The following GRAMD2B variants were observed in gnomAD, a reference collection of about 807,000 sequenced individuals.
GRAMD2B encodes GRAM domain-containing protein 2B.
GRAMD2B carries 41 observed loss-of-function variants against 59.2 expected under a neutral mutation model. The ratio of observed to expected loss-of-function variants is 0.69; its 90% CI spans 0.54 to 0.90. GRAMD2B has a LOEUF of 0.90. Among genes scored for constraint, GRAMD2B ranks in the 40% least tolerant of loss-of-function variants. The probability of loss-of-function intolerance (pLI) is 0.00; values close to 1 mark genes in which losing one functional copy is unlikely to be tolerated. For synonymous variants in GRAMD2B, 161 were observed against 182.7 expected (o/e 0.88, Z 0.96); for missense variants, 424 against 500.5 (o/e 0.85, Z 1.46).
chr5:126,421,753 C>T (rs1759746427), upstream of GRAMD2B, among the ~76,000 whole-genome samples: 1 of 152,168 alleles, frequency 6.6e-6, no homozygotes, highest in Non-Finnish European at 1.5e-5. Context: ...TTGGAAAGAA[C>T]TTGCACCTCC....
At position 126,493,949 on chromosome 5, in the gene GRAMD2B, G is replaced by A. The variant is rs1161142686; in HGVS notation, c.*993G>A. 6.6e-6 allele frequency: 1 copy of A among 152,562 alleles called. No homozygotes were observed. Among genetic ancestry groups the A allele is most frequent in the Non-Finnish European group, 1.5e-5 (1 of 68,010 alleles). The allele number at this position is 152,562 out of a possible 1,614,324, so 9.5% of individuals were successfully genotyped here. A position where few individuals can be genotyped will look rare whatever the true frequency, so the allele number is the denominator to read the frequency against. On this transcript the variant is annotated 3_prime_UTR_variant, in exon 14 of 14. Transcript: ENST00000285689. The stretch of plus-strand genomic sequence containing the variant: ...GGTTGGCTGGTTTTTATTAATAATT[G>A]TTTAGGGTATCATAAGATCTGTAAG...
At chr5:126,442,062 G>C (rs777845964) in intron 1 of GRAMD2B, among the ~76,000 whole-genome samples, 12 of 151,318 alleles carry the variant, frequency 7.9e-5, no homozygotes, top group Non-Finnish European at 1.6e-4. Flanking sequence ...TCCTAAGAAG[G>C]AATTATTATT....
At chr5:126,382,674 C>A (rs1755760119) in intron 1 of GRAMD2B, among the ~76,000 whole-genome samples, 1 of 152,154 alleles carries the variant, frequency 6.6e-6, no homozygotes, top group Non-Finnish European at 1.5e-5. Context: ...AATCAACCTT[C>A]TGAATTATTT....
chr5:126,492,890 G>A (rs1037547931), intron 13 of GRAMD2B, 25 bp from the exon 14 acceptor site: 7 of 1,484,810 alleles, frequency 4.7e-6, no homozygotes, highest in African/African-American at 1.4e-5. Flanking sequence ...TTTAATAATA[G>A]GAACTTCTTT....
chr5:126,377,256 ACT>A (rs1471688901), intron 1 of GRAMD2B, among the ~76,000 whole-genome samples: 6 of 149,926 alleles, frequency 4.0e-5, no homozygotes, highest in Admixed American at 4.0e-4. Context: ...CCACACCCCC[ACT>A]CTCATCCCTC....
intron 1 of GRAMD2B, among the ~76,000 whole-genome samples, chr5:126,438,679 T>C (rs1015488740): frequency 2.0e-5 from 3 of 152,108 alleles, no homozygotes; most frequent in South Asian, 4.1e-4. Context: ...CAATAAAGAC[T>C]GGTATTTTTT....
chr5:126,484,142 T>A (rs981545887), intron 9 of GRAMD2B, among the ~76,000 whole-genome samples: 1 of 152,332 alleles, frequency 6.6e-6, no homozygotes, highest in Admixed American at 6.5e-5. Flanking sequence ...TCTTCCCTCT[T>A]ATTTCAATAA....
At chr5:126,482,709 A>G (rs1772116048) in intron 8 of GRAMD2B, among the ~76,000 whole-genome samples, 1 of 152,228 alleles carries the variant, frequency 6.6e-6, no homozygotes, top group Admixed American at 6.5e-5. Flanking sequence ...TTCAAGGTGA[A>G]AGGTTGGTAA....
intron 1 of GRAMD2B, among the ~76,000 whole-genome samples, chr5:126,403,943 T>C (rs1164103195): frequency 6.6e-6 from 1 of 151,914 alleles, no homozygotes; most frequent in African/African-American, 2.4e-5. Context: ...AGTATTTAAA[T>C]CTTAATACAG....
At chr5:126,411,841 G>GATGTGTGTGTGT (rs1758819134) in intron 1 of GRAMD2B, among the ~76,000 whole-genome samples, 1 of 148,768 alleles carries the variant, frequency 6.7e-6, no homozygotes, top group Admixed American at 6.7e-5. Context: ...ATATATTTCT[G>GATGTGTGTGTGT]GTGTGTGTGT....
At chr5:126,388,152 C>G (rs548886093) in intron 1 of GRAMD2B, among the ~76,000 whole-genome samples, 1 of 152,072 alleles carries the variant, frequency 6.6e-6, no homozygotes, top group Non-Finnish European at 1.5e-5. Context: ...GCGGGTGATT[C>G]ACTTGAGCCC....
chr5:126,446,668 G>A (rs1051439050), intron 1 of GRAMD2B, among the ~76,000 whole-genome samples: 6 of 150,928 alleles, frequency 4.0e-5, no homozygotes, highest in Admixed American at 1.3e-4. Flanking sequence ...TGAGTAAGGT[G>A]TGACGGAGAG....
chr5:126,451,707 G>A (rs531230964), intron 1 of GRAMD2B, among the ~76,000 whole-genome samples: 3 of 152,282 alleles, frequency 2.0e-5, no homozygotes, highest in African/African-American at 7.2e-5. Flanking sequence ...GCGGCAGAAT[G>A]ATATGGTTTG....
intron 1 of GRAMD2B, among the ~76,000 whole-genome samples, chr5:126,363,375 G>A (rs1754308128): frequency 6.6e-6 from 1 of 152,076 alleles, no homozygotes; most frequent in African/African-American, 2.4e-5. Flanking sequence ...GGTCAGAAAT[G>A]TAAAATGTTA....
chr5:126,491,275 G>A (rs1048235387), intron 13 of GRAMD2B, among the ~76,000 whole-genome samples: 5 of 152,042 alleles, frequency 3.3e-5, no homozygotes, highest in Non-Finnish European at 7.4e-5. Context: ...TGGTCCTGAG[G>A]GATACATGAG....
chr5:126,453,779 TA>T (rs1274617493), intron 1 of GRAMD2B, among the ~76,000 whole-genome samples: 1 of 152,208 alleles, frequency 6.6e-6, no homozygotes, highest in African/African-American at 2.4e-5. Flanking sequence ...TGGGGAAAAT[TA>T]AAAGACTGGC....
At chr5:126,411,402 C>T (rs988492330) in intron 1 of GRAMD2B, among the ~76,000 whole-genome samples, 1 of 152,086 alleles carries the variant, frequency 6.6e-6, no homozygotes, top group African/African-American at 2.4e-5. Context: ...TGTCAAAGGT[C>T]AGATGACTGT....
upstream of GRAMD2B, among the ~76,000 whole-genome samples, chr5:126,419,232 T>G (rs6894108): frequency 0.016 from 2,478 of 152,204 alleles, 40 homozygotes; most frequent in Admixed American, 0.054. Flanking sequence ...CTTCTGCTTC[T>G]GGGGAGGCCT....
At chr5:126,392,531 C>T (rs1320867161) in intron 1 of GRAMD2B, among the ~76,000 whole-genome samples, 2 of 152,104 alleles carry the variant, frequency 1.3e-5, no homozygotes, top group South Asian at 2.1e-4. Flanking sequence ...CAATACATAC[C>T]TCAAATTTGA....
Sources: gnomAD v4.1 joint callset for allele counts (sites outside exome capture counted in the v4.1 genomes callset) on GRCh38, gnomAD v4.1.1 for gene constraint, MANE v1.5 for transcripts, NCBI Gene and HGNC (gene_info 2026-07-23, HGNC 2026-07-21) for gene names.